Variants in DPF3 observed in about 807,000 individuals in gnomAD.
DPF3 encodes the protein zinc finger protein DPF3.
A neutral mutation model predicts 56.8 loss-of-function variants in DPF3; 18 were observed. The ratio of observed to expected loss-of-function variants is 0.32; its 90% CI spans 0.22 to 0.47. DPF3 has a LOEUF of 0.47. Ranked by LOEUF, DPF3 falls within the 20% of genes least tolerant of loss-of-function variation. DPF3 has a pLI of 1.00. For missense variants in DPF3, 403 were observed against 488.8 expected, an observed-to-expected ratio of 0.82 and a Z score of 1.65; for synonymous variants, 188 against 180.2, an observed-to-expected ratio of 1.04 and a Z score of -0.35.
intron 9 of DPF3, among the ~76,000 whole-genome samples, chr14:72,620,906 C>G (rs1599307389): frequency 6.6e-6 from 1 of 152,304 alleles, no homozygotes; most frequent in South Asian, 2.1e-4. Flanking sequence ...TTAGGGAGGC[C>G]AAGGCGCGTG....
chr14:72,804,368 G>A (rs1234089119), intron 1 of DPF3, among the ~76,000 whole-genome samples: 2 of 152,108 alleles, frequency 1.3e-5, no homozygotes, highest in Non-Finnish European at 2.9e-5. Flanking sequence ...AAGCGATGGC[G>A]AAGTCAAGGC....
chr14:72,645,784 G>A (rs1203546056), intron 8 of DPF3, among the ~76,000 whole-genome samples: 2 of 151,426 alleles, frequency 1.3e-5, no homozygotes, highest in East Asian at 1.9e-4. Context: ...CACCCTCAAC[G>A]CTCCTACACC....
rs1273756917 is a variant in DPF3 at position 72,609,963 on chromosome 14, C to A, written c.*9334G>T. ...CCCAAGGATCAGTGGGGAGGGTGTT[C>A]AAAAGAGCAAAAAGGGAAACCCTCT... is the stretch of plus-strand genomic sequence containing the variant. On this transcript the variant is annotated 3_prime_UTR_variant, in exon 11 of 11. Coordinates refer to ENST00000556509, the MANE Select transcript of DPF3 (RefSeq NM_001280542.3). Among the ~76,000 whole-genome samples the A allele has an allele frequency of 1.3e-5, 2 of 152,142 alleles. No individual in the cohort carries two copies. Among genetic ancestry groups the A allele is most frequent in the Non-Finnish European group, 1.5e-5 (1 of 67,948 alleles).
intron 3 of DPF3, among the ~76,000 whole-genome samples, chr14:72,741,438 G>T (rs953840649): frequency 6.6e-6 from 1 of 152,214 alleles, no homozygotes; most frequent in Non-Finnish European, 1.5e-5. Flanking sequence ...CTCCTGCAGA[G>T]CAAGGATATT....
chr14:72,877,867 G>A (rs1886174795), intron 1 of DPF3, among the ~76,000 whole-genome samples: 1 of 152,214 alleles, frequency 6.6e-6, no homozygotes. Flanking sequence ...AATGAGGACA[G>A]AATATGTATA....
chr14:72,661,697 G>A, intron 8 of DPF3: 1 of 985,400 alleles, frequency 1.0e-6, no homozygotes, highest in Non-Finnish European at 1.2e-6. Context: ...TGAATTTGAG[G>A]TTCTCATCCT....
At chr14:72,758,169 G>A (rs560626052) in intron 2 of DPF3, among the ~76,000 whole-genome samples, 254 of 152,100 alleles carry the variant, frequency 1.7e-3, no homozygotes, top group Non-Finnish European at 3.3e-3. Context: ...GCATACATCC[G>A]TTTCTGACTA....
chr14:72,777,795 G>A (rs573159999), intron 1 of DPF3, among the ~76,000 whole-genome samples: 4 of 152,226 alleles, frequency 2.6e-5, no homozygotes, highest in Non-Finnish European at 5.9e-5. Context: ...TTTGCCTTCT[G>A]CCATGATTGT....
In DPF3 at chr14:72,861,026, TACACACAC is replaced by T. The variant is rs10570653; in HGVS notation, c.32+33023_32+33030del. 5.7e-3 allele frequency among the ~76,000 whole-genome samples: 849 copies of T among 147,964 alleles called. 4 individuals are homozygous for T. The highest frequency in any genetic ancestry group is 0.02 in the Middle Eastern group (6 of 294). Reference sequence around the variant, plus strand: ...TGTGCTTTCTTATCTGTTCTCACTATACACACACACACACACACACACACACACACACA... The same window carrying T: ...TGTGCTTTCTTATCTGTTCTCACTATACACACACACACACACACACACACA... On this transcript the variant is annotated intron_variant, in intron 1 of 10. Coordinates refer to ENST00000556509, the MANE Select transcript of DPF3 (RefSeq NM_001280542.3).
intron 6 of DPF3, among the ~76,000 whole-genome samples, chr14:72,696,992 A>G (rs1403462617): frequency 2.0e-5 from 3 of 152,222 alleles, no homozygotes; most frequent in Non-Finnish European, 2.9e-5. Context: ...CTATGTCCAC[A>G]TGCCCTTCTT....
chr14:72,715,937 A>G (rs959891441), intron 5 of DPF3, among the ~76,000 whole-genome samples: 3 of 147,544 alleles, frequency 2.0e-5, no homozygotes, highest in African/African-American at 2.5e-5. Flanking sequence ...AGGTGCTGGC[A>G]GTCACCCCGG....
intron 1 of DPF3, chr14:72,853,240 G>A (rs956382741): frequency 6.6e-6 from 1 of 151,382 alleles, no homozygotes; most frequent in Non-Finnish European, 1.5e-5. Flanking sequence ...CTAGTCAAGA[G>A]CAGCAGTGAG....
intron 1 of DPF3, among the ~76,000 whole-genome samples, chr14:72,789,169 A>G (rs759724572): frequency 6.6e-6 from 1 of 152,176 alleles, no homozygotes; most frequent in Non-Finnish European, 1.5e-5. Context: ...CTGAATCAGG[A>G]CTACCTGAGC....
intron 8 of DPF3, among the ~76,000 whole-genome samples, chr14:72,642,524 T>A (rs2153567903): frequency 6.6e-6 from 1 of 152,356 alleles, no homozygotes; most frequent in East Asian, 1.9e-4. Flanking sequence ...GAGCTAATAG[T>A]GGGAACAAAG....
intron 8 of DPF3, among the ~76,000 whole-genome samples, chr14:72,659,497 T>C (rs1353699612): frequency 6.6e-6 from 1 of 152,174 alleles, no homozygotes; most frequent in Non-Finnish European, 1.5e-5. Flanking sequence ...GGATCTCCTC[T>C]ATCCTTAGTT....
chr14:72,713,417 A>AC (rs1300621611), intron 6 of DPF3, among the ~76,000 whole-genome samples: 1 of 151,586 alleles, frequency 6.6e-6, no homozygotes, highest in Non-Finnish European at 1.5e-5. Context: ...CCCCACCCCT[A>AC]CCCCGCCTTG....
intron 3 of DPF3, among the ~76,000 whole-genome samples, chr14:72,733,781 C>T (rs1469074477): frequency 1.3e-5 from 2 of 152,102 alleles, no homozygotes; most frequent in Non-Finnish European, 2.9e-5. Context: ...CAACAGAATC[C>T]TACCTGCACT....
intron 1 of DPF3, among the ~76,000 whole-genome samples, chr14:72,872,072 A>G (rs909000090): frequency 4.6e-5 from 7 of 152,224 alleles, no homozygotes; most frequent in South Asian, 2.1e-4. Context: ...TCAACACCAC[A>G]TAGAAGCTGC....
chr14:72,845,149 C>T (rs112849999), intron 1 of DPF3, among the ~76,000 whole-genome samples: 2,298 of 152,178 alleles, frequency 0.015, 53 homozygotes, highest in African/African-American at 0.054. Context: ...TAAATCAGCT[C>T]CCACTCCACC....
Sources: allele counts gnomAD v4.1 joint callset (sites outside exome capture counted in the v4.1 genomes callset), GRCh38; gene constraint gnomAD v4.1.1; transcripts MANE v1.5; gene names NCBI Gene and HGNC (gene_info 2026-07-23, HGNC 2026-07-21).